COL5A1: variants seen among roughly 807,000 people sequenced by gnomAD.
The protein encoded by COL5A1 is collagen alpha-1(V) chain.
A neutral mutation model predicts 263.7 loss-of-function variants in COL5A1; 16 were observed. The ratio of observed to expected loss-of-function variants is 0.06; its 90% CI spans 0.04 to 0.09. The LOEUF (loss-of-function observed/expected upper bound fraction) is 0.09. Among genes scored for constraint, COL5A1 ranks in the 10% least tolerant of loss-of-function variants. The pLI is 1.00. For missense variants in COL5A1, 2,036 were observed against 2,540.5 expected (o/e 0.80, Z 4.27); for synonymous variants, 1,012 against 1,004.5 (o/e 1.01, Z -0.14).
intron 4 of COL5A1, among the ~76,000 whole-genome samples, chr9:134,713,830 C>T (rs776253338): frequency 9.2e-5 from 14 of 152,216 alleles, no homozygotes; most frequent in Middle Eastern, 3.4e-3. Flanking sequence ...GGTCTGAACC[C>T]GGGACAGAGA....
chr9:134,691,877 C>T (rs1259544535), intron 2 of COL5A1: 2 of 152,240 alleles, frequency 1.3e-5, no homozygotes, highest in Non-Finnish European at 2.9e-5. Flanking sequence ...GACAGCGCAG[C>T]ATCTTTTTGG....
rs771075651 is a variant in COL5A1 at position 134,699,999 on chromosome 9, A to G, written c.368A>G (p.Gln123Arg). 24 of 1,613,860 alleles carry G rather than the reference A, an allele frequency of 1.5e-5. No homozygotes were observed. The highest frequency in any genetic ancestry group is 2.0e-5 in the Non-Finnish European group (24 of 1,180,034). Residue 123 changes from glutamine to arginine, a missense_variant, in exon 3 of 66, where the codon CAG (glutamine) becomes CGG (arginine). Transcript: ENST00000371817. Reference sequence around the variant, plus strand: ...TTCCTGGTCTCCATCTACAACGAGCAGGGTATCCAGCAGATTGGGCTGGAG... The same window carrying G: ...TTCCTGGTCTCCATCTACAACGAGCGGGGTATCCAGCAGATTGGGCTGGAG... ...QAFLVSIYNEQGIQQIGLELG... is the reference protein window; with the variant it reads ...QAFLVSIYNERGIQQIGLELG...
In COL5A1 at chr9:134,818,121, G is replaced by A. The variant is rs950124289; in HGVS notation, c.4230+290G>A. Among the ~76,000 whole-genome samples the A allele has an allele frequency of 6.6e-6, 1 of 152,210 alleles. No individual in the cohort carries two copies. Among genetic ancestry groups the A allele is most frequent in the East Asian group, 1.9e-4 (1 of 5,180 alleles). The stretch of plus-strand genomic sequence containing the variant: ...AGGCTGAGTAGTTATGTCCCCCGGA[G>A]CCCTGCGACCTCATGCCTGGTCTTT... On this transcript the variant is annotated intron_variant, in intron 54 of 65. Transcript: ENST00000371817. This position sits in a 1 kb window ranked among gnomAD's most constrained non-coding sequence, Gnocchi z 6.0.
chr9:134,796,773 G>T, intron 35 of COL5A1, 75 bp from the exon 36 acceptor site: 1 of 1,376,688 alleles, frequency 7.3e-7, no homozygotes. Flanking sequence ...GAGAGCCACC[G>T]GCACAGGCAG....
Position 134,817,836 on chromosome 9 carries a change from C to G in COL5A1, c.4230+5C>G. 1 of 1,603,076 alleles carries G rather than the reference C, an allele frequency of 6.2e-7. No homozygotes were observed. Among genetic ancestry groups the G allele is most frequent in the South Asian group, 1.1e-5 (1 of 89,176 alleles). On this transcript the variant is annotated splice_donor_5th_base_variant and intron_variant, in intron 54 of 65. Transcript: ENST00000371817. ...CAGGGAGAGAAAGGGGCCAAGGTAA[C>G]GTGTTTTGGAGCCAGGCTGTGACCG... is the stretch of plus-strand genomic sequence containing the variant.
intron 63 of COL5A1, among the ~76,000 whole-genome samples, chr9:134,826,738 A>C (rs1201791745): frequency 8.2e-6 from 1 of 122,516 alleles, no homozygotes; most frequent in Non-Finnish European, 1.6e-5. Flanking sequence ...GGGTGTGTAC[A>C]TGGTGTTCGG....
Position 134,785,018 on chromosome 9 carries a change from A to G in COL5A1, c.2514A>G (p.Gly838=). The G allele has an allele frequency of 6.2e-7, 1 of 1,613,204 alleles. No individual in the cohort carries two copies. The highest frequency in any genetic ancestry group is 1.1e-5 in the South Asian group (1 of 91,080). ...RGEIGPPGPR[G]EDGPEGPKGR... ...AGATCGGCCCACCCGGTCCCAGGGG[A>G]GAAGATGGCCCTGAAGGCCCAAAGG... The change falls in exon 30 of 66, where the codon GGA becomes GGG. Residue 838 remains glycine, a synonymous_variant. Coordinates refer to ENST00000371817, the MANE Select transcript of COL5A1 (RefSeq NM_000093.5).
chr9:134,820,048 G>A (rs1181720470), intron 57 of COL5A1, 68 bp from the exon 58 acceptor site: 2 of 1,147,182 alleles, frequency 1.7e-6, no homozygotes, highest in African/African-American at 3.0e-5. Flanking sequence ...CGTGCTAACT[G>A]GCCCACCGTG....
rs1832704646 is a variant in COL5A1, at chr9:134,677,095, G to A, written c.110-13817G>A. On this transcript the variant is annotated intron_variant, in intron 1 of 65. Transcript: ENST00000371817. This position sits in a 1 kb window ranked among gnomAD's most constrained non-coding sequence, Gnocchi z 4.4. ...GCTGGGGAGACACAGAAGAGGCAGG[G>A]ACACCAGGAAGCGGCGGTCCATCCC... Among the ~76,000 whole-genome samples the A allele has an allele frequency of 6.6e-6, 1 of 152,210 alleles. No homozygotes were observed. Among genetic ancestry groups the A allele is most frequent in the South Asian group, 2.1e-4 (1 of 4,834 alleles).
At chr9:134,675,435 T>A (rs968265403) in intron 1 of COL5A1, among the ~76,000 whole-genome samples, 2 of 152,248 alleles carry the variant, frequency 1.3e-5, no homozygotes, top group Non-Finnish European at 2.9e-5. Flanking sequence ...ACATCGAATG[T>A]TATTTATTTG....
At chr9:134,780,899 C>T (rs966415402) in intron 28 of COL5A1, among the ~76,000 whole-genome samples, 10 of 152,392 alleles carry the variant, frequency 6.6e-5, no homozygotes, top group Admixed American at 2.0e-4. Context: ...CGTGGCCTCA[C>T]GCTCTGTTGT....
At chr9:134,840,428 C>T (rs1839987110) in intron 65 of COL5A1, among the ~76,000 whole-genome samples, 1 of 152,216 alleles carries the variant, frequency 6.6e-6, no homozygotes, top group Non-Finnish European at 1.5e-5. Context: ...GTGATGTGAG[C>T]ATGCCCATTT....
chr9:134,800,977 G>A (rs1180094291), intron 37 of COL5A1, among the ~76,000 whole-genome samples: 2 of 152,188 alleles, frequency 1.3e-5, no homozygotes, highest in African/African-American at 4.8e-5. Context: ...GTCTCCACCA[G>A]TGTCATGTGG....
intron 63 of COL5A1, among the ~76,000 whole-genome samples, chr9:134,829,267 C>T (rs1018654187): frequency 2.0e-5 from 3 of 151,514 alleles, no homozygotes; most frequent in Non-Finnish European, 4.4e-5. Flanking sequence ...AGGGCTGGGG[C>T]CAGGCTCCTC....
Position 134,752,615 on chromosome 9 carries a change from G to T in COL5A1, c.1689G>T (p.Pro563=). ...TGGCACTGAGGGGACCAGCTGGCCC[G>T]ATGGGTCTCACAGGGAGACCTGGCC... is the stretch of plus-strand genomic sequence containing the variant. The part of the protein sequence containing the change: ...ARLALRGPAG[P]MGLTGRPGPV... The change falls in exon 14 of 66, where the codon CCG becomes CCT. Residue 563 remains proline, a synonymous_variant. Transcript: ENST00000371817. The T allele has an allele frequency of 1.2e-6, 2 of 1,613,618 alleles. No homozygotes were observed. The highest frequency in any genetic ancestry group is 8.5e-7 in the Non-Finnish European group (1 of 1,179,712).
chr9:134,707,330 G>A (rs888505990), intron 4 of COL5A1, among the ~76,000 whole-genome samples: 6 of 152,188 alleles, frequency 3.9e-5, no homozygotes, highest in Admixed American at 6.5e-5. Context: ...TGATGGCGTC[G>A]GCTCCAAGCT....
intron 1 of COL5A1, among the ~76,000 whole-genome samples, chr9:134,669,908 G>A (rs148980320): frequency 1.3e-5 from 2 of 152,286 alleles, no homozygotes; most frequent in Non-Finnish European, 2.9e-5. Context: ...ATTCAGAGAC[G>A]CAACTCATTC....
intron 36 of COL5A1, 80 bp from the exon 37 acceptor site, chr9:134,798,328 C>A: frequency 1.5e-6 from 2 of 1,293,908 alleles, no homozygotes; most frequent in South Asian, 2.4e-5. Context: ...AAATAACGGT[C>A]ACTCCACGTG....
In COL5A1 at chr9:134,815,949, C is replaced by A; in HGVS notation, c.4083C>A (p.Pro1361=). Reference sequence around the variant, plus strand: ...TGCCTCCATAGGGTCAAGATGGTCCCCCTGGTGACAAAGGAGATGATGGTG... The same window carrying A: ...TGCCTCCATAGGGTCAAGATGGTCCACCTGGTGACAAAGGAGATGATGGTG... ...GEPGPAGQDG[P]PGDKGDDGEP... The change falls in exon 52 of 66, where the codon CCC becomes CCA. Residue 1361 remains proline (P), a synonymous_variant. Transcript: ENST00000371817. 1 of 1,614,082 alleles carries A rather than the reference C, an allele frequency of 6.2e-7. No homozygotes were observed. Among genetic ancestry groups the A allele is most frequent in the Non-Finnish European group, 8.5e-7 (1 of 1,180,028 alleles).
Sources: allele counts gnomAD v4.1 joint callset (sites outside exome capture counted in the v4.1 genomes callset), GRCh38; gene constraint gnomAD v4.1.1; non-coding constraint Gnocchi (gnomAD v3.1); transcripts MANE v1.5; gene names NCBI Gene and HGNC (gene_info 2026-07-23, HGNC 2026-07-21).